TARS2: variants seen among roughly 807,000 people sequenced by gnomAD.
TARS2 encodes threonine--tRNA ligase, mitochondrial.
A neutral mutation model predicts 94.4 loss-of-function variants in TARS2; 61 were observed. That is an observed-to-expected ratio of 0.65 (90% CI 0.53 to 0.80). The LOEUF is 0.80. Among genes scored for constraint, TARS2 ranks in the 30% least tolerant of loss-of-function variants. The pLI is 0.00. For synonymous variants in TARS2, 359 were observed against 353.4 expected (o/e 1.02, Z -0.18); for missense variants, 704 against 902.5 (o/e 0.78, Z 2.82).
intron 13 of TARS2, among the ~76,000 whole-genome samples, chr1:150,502,269 CTG>C (rs1669958400): frequency 6.7e-6 from 1 of 149,342 alleles, no homozygotes; most frequent in African/African-American, 2.5e-5. Context: ...TGTTGCCAGA[CTG>C]AAGTGCACTG....
intron 7 of TARS2, among the ~76,000 whole-genome samples, chr1:150,493,766 A>G (rs1363270622): frequency 2.0e-5 from 3 of 152,038 alleles, no homozygotes; most frequent in African/African-American, 7.2e-5. Flanking sequence ...AAAAAAAAAA[A>G]AGAAAAGAAA....
At chr1:150,494,762 G>A (rs1212299823) in intron 7 of TARS2, among the ~76,000 whole-genome samples, 1 of 152,140 alleles carries the variant, frequency 6.6e-6, no homozygotes, top group Non-Finnish European at 1.5e-5. Context: ...TAGGGGCTGG[G>A]CGTGGTGGCT....
chr1:150,503,862 C>A (rs963040994), intron 13 of TARS2, among the ~76,000 whole-genome samples: 9 of 146,636 alleles, frequency 6.1e-5, no homozygotes, highest in Non-Finnish European at 1.2e-4. Flanking sequence ...GAAATCGTGC[C>A]ACTGCACTCC....
At position 150,507,226 on chromosome 1, in the gene TARS2, A is replaced by C; in HGVS notation, c.*162A>C. On this transcript the variant is annotated 3_prime_UTR_variant, in exon 18 of 18. Coordinates refer to ENST00000369064, the MANE Select transcript of TARS2 (RefSeq NM_025150.5). ...GAGACTTGGTTTGGGGACCCCACAA[A>C]AGGAGGGAAGCTGTAGCTGTTTGGA... 2.2e-6 allele frequency: 2 copies of C among 910,340 alleles called. No individual in the cohort carries two copies. The highest frequency in any genetic ancestry group is 3.2e-6 in the Non-Finnish European group (2 of 624,766). 56.4% of individuals were successfully genotyped at this position (910,340 alleles called of 1,614,324 possible).
chr1:150,495,738 G>C (rs1456240787), intron 7 of TARS2, among the ~76,000 whole-genome samples: 1 of 147,556 alleles, frequency 6.8e-6, no homozygotes, highest in Non-Finnish European at 1.5e-5. Flanking sequence ...GTTATTTTTT[G>C]AGATGGAGTC....
Position 150,506,966 on chromosome 1 carries a change from G to A in TARS2, c.2059G>A (p.Asp687Asn). The A allele has an allele frequency of 1.9e-6, 3 of 1,614,194 alleles. No individual in the cohort carries two copies. The highest frequency in any genetic ancestry group is 2.5e-6 in the Non-Finnish European group (3 of 1,180,036). The change falls in exon 18 of 18, where the codon GAT (aspartate) becomes AAT (asparagine). Residue 687 changes from aspartate to asparagine, a missense_variant. Around this residue, in one of 3 missense-constraint regions of TARS2, gnomAD observed 466 missense variants for 609.5 expected, o/e 0.76. Coordinates refer to ENST00000369064, the MANE Select transcript of TARS2 (RefSeq NM_025150.5). ...SKRTVNIRTR[D>N]NRRLGEWDLP... ...GAGAACAGTGAACATTCGGACTCGA[G>A]ATAATCGTCGCCTTGGGGAGTGGGA...
intron 13 of TARS2, among the ~76,000 whole-genome samples, chr1:150,501,472 TCAC>T (rs1669918390): frequency 4.2e-5 from 1 of 23,534 alleles, no homozygotes; most frequent in African/African-American, 1.5e-4. Flanking sequence ...CAGGCACCCA[TCAC>T]CATCACCATG....
chr1:150,502,640 C>A (rs190207487), intron 13 of TARS2, among the ~76,000 whole-genome samples: 2 of 152,088 alleles, frequency 1.3e-5, no homozygotes. Context: ...CCACCTACCT[C>A]GGCCTCCCAA....
intron 7 of TARS2, among the ~76,000 whole-genome samples, chr1:150,495,465 C>T (rs1229992256): frequency 7.3e-5 from 11 of 150,186 alleles, no homozygotes; most frequent in Non-Finnish European, 1.5e-4. Context: ...GGCCTGATCT[C>T]GGCTCACTGC....
At chr1:150,504,604 C>T (rs757504172) in intron 14 of TARS2, 28 bp from the exon 15 acceptor site, 1 of 1,605,952 alleles carries the variant, frequency 6.2e-7, no homozygotes, top group Non-Finnish European at 8.5e-7. Context: ...TCCACCATTC[C>T]ATCCACCCCC....
At chr1:150,498,072 G>A (rs1669750788) in intron 10 of TARS2, among the ~76,000 whole-genome samples, 1 of 145,846 alleles carries the variant, frequency 6.9e-6, no homozygotes, top group African/African-American at 2.5e-5. Flanking sequence ...CAGCCTGGGT[G>A]ACACAGCGAG....
At chr1:150,499,180 G>C (rs2102496146) in intron 12 of TARS2, 36 bp from the exon 13 acceptor site, 2 of 1,613,126 alleles carry the variant, frequency 1.2e-6, no homozygotes, top group Non-Finnish European at 8.5e-7. Context: ...TGAAGTCTAA[G>C]ATGATGTATT....
intron 6 of TARS2, chr1:150,491,961 GTTTTTTTTT>G (rs367685337): frequency 4.0e-3 from 521 of 128,660 alleles, no homozygotes; most frequent in Non-Finnish European, 5.7e-3. Flanking sequence ...TGCCTGGCTA[GTTTTTTTTT>G]TTTTTTTTTT....
At chr1:150,487,576 A>G in intron 1 of TARS2, 60 bp downstream of exon 1, 1 of 1,609,004 alleles carries the variant, frequency 6.2e-7, no homozygotes, top group Non-Finnish European at 8.5e-7. Context: ...CGAAGCCCCC[A>G]AATTTTTATG....
At position 150,496,592 on chromosome 1, in the gene TARS2, G is replaced by A. The variant is rs771868553; in HGVS notation, c.885G>A (p.Glu295=). Reference sequence around the variant, plus strand: ...TGAGGGTCTGGGAAGCATGGAGGGAGGAAGCAGAATTGCGGGACCACCGGC... The same window carrying A: ...TGAGGGTCTGGGAAGCATGGAGGGAAGAAGCAGAATTGCGGGACCACCGGC... The part of the protein sequence containing the change: ...ELLRVWEAWR[E]EAELRDHRRI... Residue 295 remains glutamate, a synonymous_variant, in exon 8 of 18, where the codon GAG becomes GAA. Coordinates refer to ENST00000369064, the MANE Select transcript of TARS2 (RefSeq NM_025150.5). 1 of 1,613,864 alleles carries A rather than the reference G, an allele frequency of 6.2e-7. No homozygotes were observed.
At position 150,505,653 on chromosome 1, in the gene TARS2, C is replaced by T. The variant is rs1470388685; in HGVS notation, c.1956C>T (p.Thr652=). The part of the protein sequence containing the change: ...VSDLDADSGL[T]LSRRIRRAQL... Reference sequence around the variant, plus strand: ...ACCTGGATGCAGACTCTGGACTGACCCTCAGCCGGAGAATCCGCCGGGCCC... The same window carrying T: ...ACCTGGATGCAGACTCTGGACTGACTCTCAGCCGGAGAATCCGCCGGGCCC... Residue 652 remains threonine, a synonymous_variant, in exon 17 of 18, where the codon ACC becomes ACT. Transcript: ENST00000369064. The T allele has an allele frequency of 6.2e-7, 1 of 1,614,048 alleles. No individual in the cohort carries two copies. Among genetic ancestry groups the T allele is most frequent in the Non-Finnish European group, 8.5e-7 (1 of 1,180,036 alleles).
intron 13 of TARS2, among the ~76,000 whole-genome samples, chr1:150,500,456 G>A (rs942555035): frequency 3.3e-5 from 5 of 152,102 alleles, no homozygotes; most frequent in African/African-American, 1.2e-4. Flanking sequence ...CGGGTGAGGT[G>A]TTAGGACACA....
At chr1:150,492,871 A>G (rs1669462674) in intron 7 of TARS2, among the ~76,000 whole-genome samples, 1 of 148,694 alleles carries the variant, frequency 6.7e-6, no homozygotes, top group South Asian at 2.1e-4. Context: ...GGAAGGTGAT[A>G]CTTTCTGTCG....
rs1669674536 is a variant in TARS2, at chr1:150,496,633, A to G, written c.921+5A>G. The G allele has an allele frequency of 6.2e-7, 1 of 1,611,786 alleles. No homozygotes were observed. The highest frequency in any genetic ancestry group is 2.2e-5 in the East Asian group (1 of 44,824). On this transcript the variant is annotated splice_donor_5th_base_variant and intron_variant, in intron 8 of 17. Transcript: ENST00000369064. Reference sequence around the variant, plus strand: ...GACCACCGGCGCATTGGGAAGGTACAGGAATTGGGAAGATAGGGAGGGATG... The same window carrying G: ...GACCACCGGCGCATTGGGAAGGTACGGGAATTGGGAAGATAGGGAGGGATG...
Sources: allele counts gnomAD v4.1 joint callset (sites outside exome capture counted in the v4.1 genomes callset), GRCh38; gene constraint gnomAD v4.1.1; regional missense constraint gnomAD v4.1.1; transcripts MANE v1.5; gene names NCBI Gene and HGNC (gene_info 2026-07-23, HGNC 2026-07-21).